KLF13: variants seen among roughly 807,000 people sequenced by gnomAD.
KLF13 encodes KLF transcription factor 13.
KLF13 carries 8 observed loss-of-function variants against 16.7 expected under a neutral mutation model. The ratio of observed to expected loss-of-function variants is 0.48; its 90% CI spans 0.28 to 0.87. KLF13 has a LOEUF of 0.87. Ranked by LOEUF, KLF13 falls within the 40% of genes least tolerant of loss-of-function variation. KLF13 has a pLI of 0.10. For missense variants in KLF13, 447 were observed against 452.2 expected (o/e 0.99, Z 0.10); for synonymous variants, 245 against 208.4 (o/e 1.18, Z -1.51).
At chr15:31,342,412 C>A (rs2039041575) in intron 1 of KLF13, among the ~76,000 whole-genome samples, 1 of 152,168 alleles carries the variant, frequency 6.6e-6, no homozygotes, top group South Asian at 2.1e-4. Flanking sequence ...CTCCTGAGAC[C>A]CAGGCACCAT....
intron 1 of KLF13, among the ~76,000 whole-genome samples, chr15:31,419,051 G>T (rs2040289451): frequency 6.6e-6 from 1 of 152,182 alleles, no homozygotes; most frequent in Non-Finnish European, 1.5e-5. Context: ...TCTGGTGAGG[G>T]CCTCAAGATG....
chr15:31,355,037 T>C (rs2039278412), intron 1 of KLF13, among the ~76,000 whole-genome samples: 1 of 152,210 alleles, frequency 6.6e-6, no homozygotes, highest in Non-Finnish European at 1.5e-5. Flanking sequence ...GGAGCCACCA[T>C]TTAAAGAAGT....
At chr15:31,400,754 C>A (rs551279937) in intron 2 of KLF13, among the ~76,000 whole-genome samples, 2 of 151,984 alleles carry the variant, frequency 1.3e-5, no homozygotes, top group African/African-American at 2.4e-5. Context: ...GCCGAGAGAC[C>A]AGGCAGAGGG....
chr15:31,331,974 G>A (rs1490215175), intron 1 of KLF13, among the ~76,000 whole-genome samples: 1 of 152,204 alleles, frequency 6.6e-6, no homozygotes, highest in Non-Finnish European at 1.5e-5. Flanking sequence ...ACAGCCGCAT[G>A]GTATTCCAAG....
At chr15:31,355,018 C>CCACCATTTAAACCATAAA (rs1301530055) in intron 1 of KLF13, among the ~76,000 whole-genome samples, 2 of 152,104 alleles carry the variant, frequency 1.3e-5, no homozygotes, top group Non-Finnish European at 1.5e-5. Flanking sequence ...AACCCCCGGG[C>CCACCATTTAAACCATAAA]TTGGGGTTGG....
intron 1 of KLF13, among the ~76,000 whole-genome samples, chr15:31,427,333 AAAAACAAAAAAC>A (rs1453568346): frequency 1.4e-5 from 2 of 143,768 alleles, no homozygotes; most frequent in Non-Finnish European, 2.9e-5. Flanking sequence ...TAAAAAAACA[AAAAACAAAAAAC>A]AAAACAAAAA....
At chr15:31,401,400 T>C (rs2040034911) in intron 2 of KLF13, among the ~76,000 whole-genome samples, 1 of 152,072 alleles carries the variant, frequency 6.6e-6, no homozygotes, top group Non-Finnish European at 1.5e-5. Context: ...CCGGGTGGGG[T>C]GTAACATCCC....
At chr15:31,420,689 T>C (rs1034011768) in intron 1 of KLF13, 6 of 329,030 alleles carry the variant, frequency 1.8e-5, no homozygotes, top group Non-Finnish European at 2.9e-5. Context: ...TCCTTTTTTT[T>C]TCTTTCTTTT....
intron 2 of KLF13, among the ~76,000 whole-genome samples, chr15:31,402,577 C>T (rs770182648): frequency 2.6e-5 from 4 of 152,212 alleles, no homozygotes; most frequent in Admixed American, 6.5e-5. Context: ...TGCTCAGGTC[C>T]GACCTGGCTG....
At chr15:31,413,563 A>G (rs147786329) in intron 1 of KLF13, among the ~76,000 whole-genome samples, 4 of 152,268 alleles carry the variant, frequency 2.6e-5, no homozygotes, top group African/African-American at 9.6e-5. Context: ...GTGAAATAAC[A>G]TATTTGAAGT....
downstream of KLF13, among the ~76,000 whole-genome samples, chr15:31,382,463 G>A (rs763638553): frequency 1.3e-5 from 2 of 152,224 alleles, no homozygotes; most frequent in East Asian, 1.9e-4. Flanking sequence ...TAAGCTCTGA[G>A]TTCTAAAGGC....
chr15:31,433,356 G>C (rs1469548734), intron 1 of KLF13, among the ~76,000 whole-genome samples: 1 of 152,104 alleles, frequency 6.6e-6, no homozygotes, highest in Non-Finnish European at 1.5e-5. Context: ...GTGAATAACC[G>C]AGGAGTCCCT....
intron 1 of KLF13, among the ~76,000 whole-genome samples, chr15:31,410,796 A>G: frequency 6.6e-6 from 1 of 152,216 alleles, no homozygotes; most frequent in Admixed American, 6.5e-5. Flanking sequence ...ACTGAAGGGA[A>G]AAATGAACAA....
At chr15:31,345,738 C>T (rs2039104368) in intron 1 of KLF13, among the ~76,000 whole-genome samples, 1 of 152,228 alleles carries the variant, frequency 6.6e-6, no homozygotes, top group South Asian at 2.1e-4. Flanking sequence ...AGACTGACCA[C>T]ACCAGGGCTT....
chr15:31,329,837 G>A (rs1469675649), intron 1 of KLF13, among the ~76,000 whole-genome samples: 1 of 152,214 alleles, frequency 6.6e-6, no homozygotes, highest in Non-Finnish European at 1.5e-5. Context: ...CCTCCAAGTT[G>A]GAAGTGCACA....
downstream of KLF13, among the ~76,000 whole-genome samples, chr15:31,409,473 A>G (rs2040165944): frequency 6.6e-6 from 1 of 152,042 alleles, no homozygotes; most frequent in South Asian, 2.1e-4. Context: ...ACCAAGCCAT[A>G]GATTCAAGAA....
At chr15:31,425,214 A>T (rs2040386663) in intron 1 of KLF13, among the ~76,000 whole-genome samples, 2 of 152,342 alleles carry the variant, frequency 1.3e-5, no homozygotes, top group South Asian at 4.1e-4. Context: ...TACTACCCAA[A>T]GAAATTTGCA....
At chr15:31,329,896 G>A (rs1267233050) in intron 1 of KLF13, among the ~76,000 whole-genome samples, 2 of 152,168 alleles carry the variant, frequency 1.3e-5, no homozygotes, top group African/African-American at 2.4e-5. Flanking sequence ...GCAGATTTCC[G>A]GGCCCCTGAT....
Position 31,327,472 on chromosome 15 carries a change from C to T in KLF13, c.260C>T (p.Ala87Val), listed in dbSNP as rs1488844573. 2 of 1,209,172 alleles carry T rather than the reference C, an allele frequency of 1.7e-6. No individual in the cohort carries two copies. The highest frequency in any genetic ancestry group is 2.1e-6 in the Non-Finnish European group (2 of 973,636). 74.9% of individuals were successfully genotyped at this position (1,209,172 alleles called of 1,614,324 possible). ...APAPAERREG[A>V]AARKARTPCR... The stretch of plus-strand genomic sequence containing the variant: ...GCCCCGGCGGAGCGCAGGGAGGGCG[C>T]CGCGGCCCGGAAGGCGAGGACCCCC... Residue 87 changes from alanine (A) to valine (V), a missense_variant, in exon 1 of 2, where the codon GCC (alanine) becomes GTC (valine). Ala to Val is a moderately conservative substitution (Grantham distance 64). Coordinates refer to ENST00000307145, the MANE Select transcript of KLF13 (RefSeq NM_015995.4).
Sources: allele counts gnomAD v4.1 joint callset (sites outside exome capture counted in the v4.1 genomes callset), GRCh38; gene constraint gnomAD v4.1.1; transcripts MANE v1.5; gene names NCBI Gene and HGNC (gene_info 2026-07-23, HGNC 2026-07-21).